Variants in PCDH11X observed in about 807,000 individuals in gnomAD.
The protein encoded by PCDH11X is protocadherin 11 X-linked, also known as protocadherin-11 X-linked.
Under a neutral mutation model 53.3 loss-of-function variants are expected in PCDH11X, and 18 were observed. That is an observed-to-expected ratio of 0.34 (90% CI 0.23 to 0.50). PCDH11X has a LOEUF of 0.50. PCDH11X is among the 20% of genes least tolerant of loss of function. The pLI, the probability that PCDH11X is intolerant of heterozygous loss-of-function variation, is 0.98. For missense variants in PCDH11X, 570 were observed against 1,032.4 expected (o/e 0.55, Z 6.14); for synonymous variants, 279 against 393.3 (o/e 0.71, Z 3.44).
intron 4 of PCDH11X, among the ~76,000 whole-genome samples, chrX:91,830,101 C>A (rs1351200195): frequency 9.0e-6 from 1 of 111,184 alleles, no homozygotes; most frequent in Non-Finnish European, 1.9e-5. Flanking sequence ...AATCATATAT[C>A]AAAAATCCAG....
At chrX:92,386,492 A>G (rs1461966504) in intron 8 of PCDH11X, among the ~76,000 whole-genome samples, 1 of 109,550 alleles carries the variant, frequency 9.1e-6, no homozygotes, top group Non-Finnish European at 1.9e-5. Context: ...ATAAAAATCA[A>G]TAGTCCTTCT....
intron 4 of PCDH11X, among the ~76,000 whole-genome samples, chrX:91,823,603 A>G (rs1164863683): frequency 1.8e-5 from 2 of 111,567 alleles, no homozygotes; most frequent in Admixed American, 1.9e-4. Flanking sequence ...AATACAGCAC[A>G]CTGATGGATC....
chrX:92,370,242 T>A (rs1436506850), intron 8 of PCDH11X, among the ~76,000 whole-genome samples: 1 of 110,461 alleles, frequency 9.1e-6, no homozygotes, highest in African/African-American at 3.3e-5. Context: ...CTTTAATATA[T>A]AGTTTCATTC....
At chrX:91,983,097 G>A (rs1324328708) in intron 6 of PCDH11X, 3 of 1,094,835 alleles carry the variant, frequency 2.7e-6, no homozygotes, top group African/African-American at 3.7e-5. Context: ...CCGGATGGAA[G>A]GCCCAGCAAT....
intron 6 of PCDH11X, among the ~76,000 whole-genome samples, chrX:92,045,003 C>A (rs1443282838): frequency 1.2e-5 from 1 of 80,716 alleles, no homozygotes; most frequent in Non-Finnish European, 2.0e-5. Context: ...AAGGAGAAAA[C>A]CACATAATTC....
At chrX:92,526,650 GGA>G (rs1407363634) in intron 10 of PCDH11X, among the ~76,000 whole-genome samples, 3 of 108,965 alleles carry the variant, frequency 2.8e-5, no homozygotes, top group Non-Finnish European at 5.7e-5. Flanking sequence ...GTGCAGATGT[GGA>G]GAGAAGGGAA....
At chrX:92,278,806 G>GTTTTTTTTTTTTTTTTTT (rs35000823) in intron 8 of PCDH11X, among the ~76,000 whole-genome samples, 28 of 47,378 alleles carry the variant, frequency 5.9e-4, no homozygotes, top group East Asian at 3.1e-3. Context: ...TCTCTTTTCA[G>GTTTTTTTTTTTTTTTTTT]TTTTTTTTTT....
chrX:92,325,160 G>A (rs866081047), intron 8 of PCDH11X, among the ~76,000 whole-genome samples: 44 of 110,713 alleles, frequency 4.0e-4, no homozygotes, highest in Middle Eastern at 9.3e-3. Context: ...AAGATAACTC[G>A]TTGAGAAGGA....
At chrX:92,090,442 C>T (rs2148117838) in intron 6 of PCDH11X, among the ~76,000 whole-genome samples, 1 of 111,206 alleles carries the variant, frequency 9.0e-6, no homozygotes, top group East Asian at 2.9e-4. Flanking sequence ...TAGACAGATT[C>T]CTGCATCTTA....
chrX:91,872,934 A>G (rs1308803445), intron 5 of PCDH11X, among the ~76,000 whole-genome samples: 1 of 107,464 alleles, frequency 9.3e-6, no homozygotes, highest in Non-Finnish European at 1.9e-5. Flanking sequence ...AGGAGATTGA[A>G]CAGAAAACAG....
chrX:92,175,625 CT>C (rs1018295515), intron 6 of PCDH11X, among the ~76,000 whole-genome samples: 2 of 108,757 alleles, frequency 1.8e-5, no homozygotes, highest in African/African-American at 6.7e-5. Context: ...ATCTATGTAT[CT>C]ATCTATACAT....
chrX:91,781,773 G>A (rs1449549445), intron 1 of PCDH11X, among the ~76,000 whole-genome samples: 2 of 112,191 alleles, frequency 1.8e-5, no homozygotes, highest in African/African-American at 6.5e-5. Context: ...GCCTTTGTCT[G>A]GTTCATCATA....
At chrX:92,274,228 T>C (rs1201967521) in intron 8 of PCDH11X, among the ~76,000 whole-genome samples, 1 of 109,726 alleles carries the variant, frequency 9.1e-6, no homozygotes, top group African/African-American at 3.4e-5. Context: ...GGTAAAAGTA[T>C]TGTCCAGTCC....
At chrX:92,139,445 G>T (rs1200820392) in intron 6 of PCDH11X, among the ~76,000 whole-genome samples, 2 of 107,750 alleles carry the variant, frequency 1.9e-5, no homozygotes, top group Non-Finnish European at 3.8e-5. Flanking sequence ...TGTATTTTTA[G>T]TAGAGATGGG....
intron 6 of PCDH11X, among the ~76,000 whole-genome samples, chrX:92,106,003 G>A (rs2064377237): frequency 9.0e-6 from 1 of 110,985 alleles, no homozygotes; most frequent in East Asian, 2.8e-4. Flanking sequence ...ATATTTGTAG[G>A]TTATCTCATA....
chrX:92,596,553 T>C (rs1260744622), intron 10 of PCDH11X, among the ~76,000 whole-genome samples: 1 of 102,169 alleles, frequency 9.8e-6, no homozygotes, highest in East Asian at 3.0e-4. Flanking sequence ...AAAAATGAGA[T>C]CAAAACTGTA....
At chrX:92,510,787 T>G (rs1260202062) in intron 10 of PCDH11X, among the ~76,000 whole-genome samples, 1 of 111,810 alleles carries the variant, frequency 8.9e-6, no homozygotes, top group Non-Finnish European at 1.9e-5. Context: ...GTTTGTCTTA[T>G]CCTAATTCAT....
intron 8 of PCDH11X, among the ~76,000 whole-genome samples, chrX:92,362,720 AT>A (rs1231205725): frequency 3.0e-4 from 13 of 42,749 alleles, no homozygotes; most frequent in Non-Finnish European, 4.3e-4. Context: ...GCCAAACCCA[AT>A]GTCATGAAGT....
intron 10 of PCDH11X, among the ~76,000 whole-genome samples, chrX:92,481,201 C>T (rs1188508692): frequency 1.8e-5 from 2 of 109,877 alleles, no homozygotes; most frequent in Non-Finnish European, 3.8e-5. Context: ...TCTGTGCCCA[C>T]CAAGGCTCTG....
Sources: gnomAD v4.1 joint callset for allele counts (sites outside exome capture counted in the v4.1 genomes callset) on GRCh38, gnomAD v4.1.1 for gene constraint, MANE v1.5 for transcripts, NCBI Gene and HGNC (gene_info 2026-07-23, HGNC 2026-07-21) for gene names.